The following CSTA variants were observed in gnomAD, a reference collection of about 807,000 sequenced individuals.
CSTA encodes the protein cystatin-A.
Under a neutral mutation model 9.2 loss-of-function variants are expected in CSTA, and 9 were observed. That is an observed-to-expected ratio of 0.97 (90% CI 0.59 to 1.70). CSTA has a LOEUF of 1.70. CSTA is among the 40% of genes most tolerant of loss of function. CSTA has a pLI of 0.00. For missense variants in CSTA, 118 were observed against 113.1 expected, an observed-to-expected ratio of 1.04 and a Z score of -0.20; for synonymous variants, 36 against 40.6, an observed-to-expected ratio of 0.89 and a Z score of 0.43.
chr3:122,330,693 G>A (rs2075199254), intron 1 of CSTA, among the ~76,000 whole-genome samples: 2 of 152,166 alleles, frequency 1.3e-5, no homozygotes, highest in African/African-American at 4.8e-5. Flanking sequence ...TTCCTATTTG[G>A]GGAGACAAGT....
chr3:122,334,112 C>G (rs897050322), intron 1 of CSTA, among the ~76,000 whole-genome samples: 15 of 152,340 alleles, frequency 9.8e-5, no homozygotes, highest in African/African-American at 3.6e-4. Flanking sequence ...TTTCTCCGCT[C>G]TCCTGCCCCT....
At chr3:122,340,017 T>C (rs1179524771) in intron 2 of CSTA, among the ~76,000 whole-genome samples, 1 of 152,232 alleles carries the variant, frequency 6.6e-6, no homozygotes, top group African/African-American at 2.4e-5. Flanking sequence ...ATTGCTCCAC[T>C]TTTCTTCAGG....
At chr3:122,340,122 A>G (rs2107669065) in intron 2 of CSTA, among the ~76,000 whole-genome samples, 1 of 152,370 alleles carries the variant, frequency 6.6e-6, no homozygotes, top group Admixed American at 6.5e-5. Flanking sequence ...TGTTAAAATT[A>G]GGATAGGAAG....
intron 1 of CSTA, among the ~76,000 whole-genome samples, chr3:122,336,412 AAT>A (rs1157211602): frequency 1.3e-5 from 2 of 152,212 alleles, no homozygotes; most frequent in Non-Finnish European, 2.9e-5. Context: ...TGAGTAACAA[AAT>A]AGAGTAATGA....
intron 1 of CSTA, among the ~76,000 whole-genome samples, chr3:122,335,476 G>A (rs534393086): frequency 6.6e-6 from 1 of 152,126 alleles, no homozygotes; most frequent in Non-Finnish European, 1.5e-5. Flanking sequence ...ATTATTTTAT[G>A]TATATGCTAG....
intron 1 of CSTA, among the ~76,000 whole-genome samples, chr3:122,331,982 T>C (rs2075207161): frequency 6.6e-6 from 1 of 152,172 alleles, no homozygotes. Context: ...CTTGATCCTT[T>C]GCATGCAGTT....
At chr3:122,334,483 A>AAAAAAAC (rs1478009132) in intron 1 of CSTA, among the ~76,000 whole-genome samples, 8 of 152,008 alleles carry the variant, frequency 5.3e-5, no homozygotes, top group Non-Finnish European at 1.0e-4. Context: ...TCTTAAATTT[A>AAAAAAAC]AAAAAACAAA....
At chr3:122,335,140 A>G (rs1464040706) in intron 1 of CSTA, among the ~76,000 whole-genome samples, 1 of 152,228 alleles carries the variant, frequency 6.6e-6, no homozygotes, top group Non-Finnish European at 1.5e-5. Flanking sequence ...AAAAGTTTAC[A>G]TATTGAATTT....
chr3:122,329,035 G>A (rs967521588), intron 1 of CSTA, among the ~76,000 whole-genome samples: 2 of 150,768 alleles, frequency 1.3e-5, no homozygotes, highest in Admixed American at 6.6e-5. Flanking sequence ...GCACGGTCTC[G>A]GCTCACTGCA....
At chr3:122,329,637 T>C (rs1456273847) in intron 1 of CSTA, among the ~76,000 whole-genome samples, 1 of 152,238 alleles carries the variant, frequency 6.6e-6, no homozygotes, top group Non-Finnish European at 1.5e-5. Flanking sequence ...GCATTTCTTG[T>C]ATATCTCCTA....
intron 1 of CSTA, among the ~76,000 whole-genome samples, chr3:122,329,381 A>C (rs1240799404): frequency 6.6e-6 from 1 of 152,098 alleles, no homozygotes; most frequent in Non-Finnish European, 1.5e-5. Flanking sequence ...CAAGGGCATC[A>C]TGACAAAACC....
At position 122,338,499 on chromosome 3, in the gene CSTA, C is replaced by CAAAAA. The variant is rs58446448; in HGVS notation, c.168+863_168+867dup. On this transcript the variant is annotated intron_variant, in intron 2 of 2. Coordinates refer to ENST00000264474, the MANE Select transcript of CSTA (RefSeq NM_005213.4). ...TAAACATTTTAAAAGATTTTTTCAG[C>CAAAAA]AAAAAAAAAAAAAAAAGTAAGTGAA... 1.0e-3 allele frequency among the ~76,000 whole-genome samples: 145 copies of CAAAAA among 140,160 alleles called. No individual in the cohort carries two copies. The South Asian group carries it at 0.015, about 14-fold the overall frequency. The allele number at this position is 140,160 out of a possible 152,430, so 92.0% of individuals were successfully genotyped here.
chr3:122,330,103 G>A (rs924315976), intron 1 of CSTA, among the ~76,000 whole-genome samples: 6 of 152,210 alleles, frequency 3.9e-5, no homozygotes, highest in African/African-American at 1.2e-4. Context: ...TGAGAAACTT[G>A]AGTCAATTCC....
intron 1 of CSTA, among the ~76,000 whole-genome samples, chr3:122,333,269 G>A (rs939616428): frequency 1.3e-5 from 2 of 152,188 alleles, no homozygotes; most frequent in East Asian, 1.9e-4. Flanking sequence ...CCAGCACTTT[G>A]GGAGACCAAG....
At chr3:122,335,927 C>T (rs899879332) in intron 1 of CSTA, among the ~76,000 whole-genome samples, 14 of 151,382 alleles carry the variant, frequency 9.2e-5, no homozygotes, top group African/African-American at 2.9e-4. Flanking sequence ...CCACCACACC[C>T]GGCCGTGGTA....
chr3:122,341,361 G>GACCT, intron 2 of CSTA, 78 bp from the exon 3 acceptor site: 1 of 1,505,590 alleles, frequency 6.6e-7, no homozygotes, highest in Non-Finnish European at 9.2e-7. Flanking sequence ...AGTCTTTGTA[G>GACCT]ACCTGTGGCT....
At chr3:122,331,140 C>T (rs2075202489) in intron 1 of CSTA, among the ~76,000 whole-genome samples, 1 of 151,622 alleles carries the variant, frequency 6.6e-6, no homozygotes, top group Non-Finnish European at 1.5e-5. Flanking sequence ...CACACACACA[C>T]ACACTCCCCT....
Position 122,337,595 on chromosome 3 carries a change from G to C in CSTA, c.115G>C (p.Glu39Gln), listed in dbSNP as rs990073206. 5 of 1,613,538 alleles carry C rather than the reference G, an allele frequency of 3.1e-6. No homozygotes were observed. The highest frequency in any genetic ancestry group is 4.2e-6 in the Non-Finnish European group (5 of 1,179,548). Residue 39 changes from glutamate (E) to glutamine (Q), a missense_variant, in exon 2 of 3, where the codon GAA (glutamate) becomes CAA (glutamine). Glu to Gln is a conservative substitution (Grantham distance 29, BLOSUM62 2). Transcript: ENST00000264474. ...AACAAATGAGACTTACGGAAAATTG[G>C]AAGCTGTGCAGTATAAAACTCAAGT... ...EKTNETYGKL[E>Q]AVQYKTQVVA...
At chr3:122,337,737 T>C (rs2075243691) in intron 2 of CSTA, 89 bp downstream of exon 2, 2 of 929,364 alleles carry the variant, frequency 2.2e-6, no homozygotes, top group Admixed American at 1.7e-5. Flanking sequence ...CATAATTCCT[T>C]CCTTACGGTT....
Sources: gnomAD v4.1 joint callset for allele counts (sites outside exome capture counted in the v4.1 genomes callset) on GRCh38, gnomAD v4.1.1 for gene constraint, MANE v1.5 for transcripts, NCBI Gene and HGNC (gene_info 2026-07-23, HGNC 2026-07-21) for gene names.